SYNRG: variants seen among roughly 807,000 people sequenced by gnomAD.
SYNRG encodes the protein AP1 gamma subunit binding protein 1.
In SYNRG, 37 loss-of-function variants were observed where a neutral mutation model predicts 130.9. That is an observed-to-expected ratio of 0.28 (90% CI 0.22 to 0.37). The LOEUF (loss-of-function observed/expected upper bound fraction) is 0.37, where lower values mean the gene tolerates loss of function less well. Among genes scored for constraint, SYNRG ranks in the 10% least tolerant of loss-of-function variants. SYNRG has a pLI of 1.00. For missense variants in SYNRG, 1,338 were observed against 1,588.9 expected (o/e 0.84, Z 2.68); for synonymous variants, 539 against 568.1 (o/e 0.95, Z 0.73).
At chr17:37,590,879 C>G (rs1194784282) in intron 3 of SYNRG, among the ~76,000 whole-genome samples, 3 of 152,082 alleles carry the variant, frequency 2.0e-5, no homozygotes, top group African/African-American at 7.2e-5. Flanking sequence ...GAGATCGCGC[C>G]ACTGCACTCC....
intron 1 of SYNRG, among the ~76,000 whole-genome samples, chr17:37,603,779 A>C (rs1464695707): frequency 2.0e-5 from 3 of 152,250 alleles, no homozygotes; most frequent in African/African-American, 7.2e-5. Flanking sequence ...GAGTAGATTT[A>C]GCATACTTTT....
At chr17:37,534,786 C>T (rs1036355279) in intron 19 of SYNRG, among the ~76,000 whole-genome samples, 1 of 152,078 alleles carries the variant, frequency 6.6e-6, no homozygotes, top group Non-Finnish European at 1.5e-5. Flanking sequence ...GGATGTGCTG[C>T]TGAAGACATG....
chr17:37,572,335 G>A (rs2060493485), intron 8 of SYNRG, among the ~76,000 whole-genome samples: 1 of 151,924 alleles, frequency 6.6e-6, no homozygotes, highest in Non-Finnish European at 1.5e-5. Context: ...GCTGAGGCAG[G>A]AGAATCACTT....
At chr17:37,604,068 C>T (rs1033848290) in intron 1 of SYNRG, among the ~76,000 whole-genome samples, 5 of 152,000 alleles carry the variant, frequency 3.3e-5, no homozygotes, top group African/African-American at 1.2e-4. Context: ...TGGTGAAACC[C>T]TATTTCTACT....
intron 9 of SYNRG, among the ~76,000 whole-genome samples, chr17:37,571,315 C>G (rs962092020): frequency 5.3e-5 from 8 of 152,198 alleles, no homozygotes; most frequent in Admixed American, 5.2e-4. Flanking sequence ...GGCGTGGTGG[C>G]TCATGCCTGT....
chr17:37,534,114 T>G (rs1041279883), intron 19 of SYNRG, among the ~76,000 whole-genome samples: 9 of 150,620 alleles, frequency 6.0e-5, no homozygotes, highest in Admixed American at 2.0e-4. Context: ...TTTTTTTTTT[T>G]TGTATTTTTA....
chr17:37,594,522 G>A (rs543817657), intron 3 of SYNRG, among the ~76,000 whole-genome samples: 135 of 149,994 alleles, frequency 9.0e-4, no homozygotes, highest in African/African-American at 2.8e-3. Context: ...GAGTGCAGTG[G>A]CGCAATCTCA....
rs867912683 is a variant in SYNRG at position 37,609,319 on chromosome 17, C to A, written c.37G>T (p.Gly13Trp). Residue 13 changes from glycine (G) to tryptophan (W), a missense_variant, in exon 1 of 22, where the codon GGG becomes TGG. Gly to Trp is a radical substitution (Grantham distance 184, BLOSUM62 -2). Coordinates refer to ENST00000612223, the MANE Select transcript of SYNRG (RefSeq NM_007247.6). ...GACCCCGCGCCAGCTCCCGCGGCCC[C>A]GCCGCCACCAGAACCAGCTCCTGGC... ...LRPGAGSGGG[G>W]AAGAGAGSAG... The A allele has an allele frequency of 2.0e-6, 3 of 1,468,430 alleles. No homozygotes were observed. Among genetic ancestry groups the A allele is most frequent in the Admixed American group, 2.5e-5 (1 of 39,640 alleles). The allele number at this position is 1,468,430 out of a possible 1,614,324, so 91.0% of individuals were successfully genotyped here.
rs1312043592 is a variant in SYNRG, at chr17:37,529,932, T to C, written c.3666+6047A>G. 23 of 1,264,478 alleles carry C rather than the reference T, an allele frequency of 1.8e-5. No individual in the cohort carries two copies. In the Admixed American group the frequency reaches 3.0e-4, roughly 17 times the overall value. 78.3% of individuals were successfully genotyped at this position (1,264,478 alleles called of 1,614,324 possible). On this transcript the variant is annotated intron_variant, in intron 19 of 21. Coordinates refer to ENST00000612223, the MANE Select transcript of SYNRG (RefSeq NM_007247.6). Reference sequence around the variant, plus strand: ...AAGTGTTAACTGCAGTAAGAACCGATTGCCACCCAAACAAAGAACCTTAAA... The same window carrying C: ...AAGTGTTAACTGCAGTAAGAACCGACTGCCACCCAAACAAAGAACCTTAAA...
intron 19 of SYNRG, among the ~76,000 whole-genome samples, chr17:37,533,546 A>G (rs1188364769): frequency 3.3e-5 from 5 of 151,642 alleles, no homozygotes; most frequent in Non-Finnish European, 7.4e-5. Flanking sequence ...ATTTTTTTAA[A>G]AAAGATTTCT....
rs781458229 is a variant in SYNRG at position 37,553,503 on chromosome 17, A to G, written c.2220T>C (p.Ala740=). The change falls in exon 14 of 22, where the codon GCT becomes GCC. Residue 740 remains alanine, a synonymous_variant. Coordinates refer to ENST00000612223, the MANE Select transcript of SYNRG (RefSeq NM_007247.6). ...TGAAGACATCGTACTTGGTAGACGC[A>G]GCAGTCGAGTTTTGTCCACCCTTCA... ...STVKGGQNST[A]ASTKYDVFRQ... is the part of the protein sequence containing the mutation. 2.5e-6 allele frequency: 4 copies of G among 1,614,082 alleles called. No homozygotes were observed. In the East Asian group the frequency reaches 6.7e-5, roughly 27 times the overall value.
intron 7 of SYNRG, 94 bp downstream of exon 7, chr17:37,577,286 A>C: frequency 8.5e-7 from 1 of 1,176,578 alleles, no homozygotes; most frequent in Non-Finnish European, 1.2e-6. Flanking sequence ...TAGCAAAATC[A>C]AGCAGCATTC....
intron 14 of SYNRG, among the ~76,000 whole-genome samples, chr17:37,543,758 C>G (rs373484569): frequency 5.9e-4 from 90 of 152,326 alleles, no homozygotes; most frequent in African/African-American, 2.0e-3. Flanking sequence ...GTCAACTCAG[C>G]ATTTTAGTGG....
rs144009403 is a variant in SYNRG, at chr17:37,602,727, G to A, written c.78-2324C>T. 1.2e-3 allele frequency among the ~76,000 whole-genome samples: 185 copies of A among 152,060 alleles called. No homozygotes were observed. The South Asian group carries it at 0.016, about 13-fold the overall frequency. ...TTTTAAGGAAATGGGATTAACACGC[G>A]AAGGAGCAAAAGGGGGCCAGATGAG... On this transcript the variant is annotated intron_variant, in intron 1 of 21. Transcript: ENST00000612223.
In SYNRG at chr17:37,542,087, A is replaced by G. The variant is rs766757453; in HGVS notation, c.3087T>C (p.Ser1029=). The change falls in exon 15 of 22, where the codon AGT becomes AGC. Residue 1029 remains serine, a synonymous_variant. Transcript: ENST00000612223. ...ECSDDFGEFQ[S]EKPKISKFDF... The stretch of plus-strand genomic sequence containing the variant: ...CAAATTTGCTGATTTTGGGCTTTTC[A>G]CTTTGAAACTCTCCAAAGTCATCCG... 29 of 1,614,170 alleles carry G rather than the reference A, an allele frequency of 1.8e-5. No individual in the cohort carries two copies. The South Asian group carries it at 2.9e-4, about 16-fold the overall frequency.
chr17:37,541,859 T>G (rs2057791846), intron 15 of SYNRG, 113 bp downstream of exon 15: 6 of 1,039,628 alleles, frequency 5.8e-6, no homozygotes, highest in Non-Finnish European at 7.0e-6. Context: ...ATTTCAAAGA[T>G]TAGAACAATC....
chr17:37,586,691 C>A, intron 3 of SYNRG, 142 bp from the exon 4 acceptor site: 3 of 977,538 alleles, frequency 3.1e-6, no homozygotes, highest in Non-Finnish European at 4.4e-6. Context: ...TGCAAAGATG[C>A]AAATAAATAA....
chr17:37,541,741 C>T, intron 15 of SYNRG: 3 of 583,706 alleles, frequency 5.1e-6, no homozygotes, highest in East Asian at 2.8e-5. Context: ...ATGAGCAATA[C>T]CTGCATGCTG....
chr17:37,587,072 A>C (rs1244049657), intron 3 of SYNRG, among the ~76,000 whole-genome samples: 1 of 152,234 alleles, frequency 6.6e-6, no homozygotes, highest in Non-Finnish European at 1.5e-5. Context: ...ATATTCAATA[A>C]AAAATTACAT....
Sources: allele counts gnomAD v4.1 joint callset (sites outside exome capture counted in the v4.1 genomes callset), GRCh38; gene constraint gnomAD v4.1.1; transcripts MANE v1.5; gene names NCBI Gene and HGNC (gene_info 2026-07-23, HGNC 2026-07-21).